Variants in MYO1B observed in about 807,000 individuals in gnomAD.
The protein encoded by MYO1B is myosin IB.
MYO1B carries 72 observed loss-of-function variants against 159.7 expected under a neutral mutation model. That is an observed-to-expected ratio of 0.45 (90% CI 0.37 to 0.55). The LOEUF (loss-of-function observed/expected upper bound fraction) is 0.55. Ranked by LOEUF, MYO1B falls within the 20% of genes least tolerant of loss-of-function variation. The pLI, the probability that MYO1B is intolerant of heterozygous loss-of-function variation, is 0.00. For missense variants in MYO1B, 1,062 were observed against 1,364.8 expected (o/e 0.78, Z 3.50); for synonymous variants, 468 against 473.8 (o/e 0.99, Z 0.16).
At chr2:191,251,488 G>A (rs1686112392) in intron 1 of MYO1B, among the ~76,000 whole-genome samples, 1 of 152,176 alleles carries the variant, frequency 6.6e-6, no homozygotes, top group Admixed American at 6.5e-5. Flanking sequence ...AATGCAAGGG[G>A]CCTGTCTTTC....
intron 3 of MYO1B, among the ~76,000 whole-genome samples, chr2:191,329,655 TTA>T (rs1028099281): frequency 7.4e-4 from 110 of 147,840 alleles, no homozygotes; most frequent in Admixed American, 1.8e-3. Context: ...AATTATTTAT[TTA>T]TATAAATAGT....
At chr2:191,368,989 A>G (rs1238863321) in intron 11 of MYO1B, among the ~76,000 whole-genome samples, 1 of 152,190 alleles carries the variant, frequency 6.6e-6, no homozygotes, top group Non-Finnish European at 1.5e-5. Flanking sequence ...AAATTTAAAA[A>G]TAAAAAAAGA....
intron 2 of MYO1B, among the ~76,000 whole-genome samples, chr2:191,295,155 G>C (rs1303826781): frequency 6.6e-6 from 1 of 151,874 alleles, no homozygotes; most frequent in Non-Finnish European, 1.5e-5. Flanking sequence ...TACCACTTTT[G>C]TTGGCACCTT....
chr2:191,246,140 T>G (rs1464723206), intron 1 of MYO1B: 1 of 152,320 alleles, frequency 6.6e-6, no homozygotes, highest in African/African-American at 2.4e-5. Context: ...TGGGCCTCCC[T>G]GCGCGTGCAG....
intron 23 of MYO1B, among the ~76,000 whole-genome samples, 199 bp downstream of exon 23, chr2:191,401,034 A>C (rs553358196): frequency 6.6e-6 from 1 of 152,326 alleles, no homozygotes; most frequent in African/African-American, 2.4e-5. Flanking sequence ...GGTCAATAAA[A>C]CTAATTGCTT....
intron 2 of MYO1B, among the ~76,000 whole-genome samples, chr2:191,288,327 TG>T (rs2125785845): frequency 6.6e-6 from 1 of 152,080 alleles, no homozygotes; most frequent in East Asian, 1.9e-4. Flanking sequence ...TGTCACTCTT[TG>T]GGGGGAACTT....
chr2:191,279,460 A>AGGTTACTC (rs1267820496), intron 2 of MYO1B, among the ~76,000 whole-genome samples: 1 of 152,162 alleles, frequency 6.6e-6, no homozygotes, highest in Non-Finnish European at 1.5e-5. Context: ...GGGACAGGGA[A>AGGTTACTC]GGTTACTCTT....
rs942974561 is a variant in MYO1B, at chr2:191,407,957, A to G, written c.2557-158A>G. 3 of 445,138 alleles carry G rather than the reference A, an allele frequency of 6.7e-6. No individual in the cohort carries two copies. The South Asian group carries it at 1.9e-4, about 28-fold the overall frequency. The allele number at this position is 445,138 out of a possible 1,614,324, so 27.6% of individuals were successfully genotyped here. ...TTAATTTCTTTCTCTCTGACTTAAGATCCACTATATGAATGTGTTTCAATT... is the reference window on the plus strand; with the variant it reads ...TTAATTTCTTTCTCTCTGACTTAAGGTCCACTATATGAATGTGTTTCAATT... On this transcript the variant is annotated intron_variant, in intron 24 of 30. Coordinates refer to ENST00000392318, the MANE Select transcript of MYO1B (RefSeq NM_001130158.3).
intron 4 of MYO1B, 124 bp downstream of exon 4, chr2:191,330,153 G>A: frequency 4.3e-6 from 3 of 694,520 alleles, no homozygotes; most frequent in South Asian, 4.0e-5. Context: ...TGCTTCTGCA[G>A]GAGGATACTG....
intron 2 of MYO1B, among the ~76,000 whole-genome samples, chr2:191,285,542 C>G (rs1688314864): frequency 6.6e-6 from 1 of 152,122 alleles, no homozygotes; most frequent in Admixed American, 6.6e-5. Flanking sequence ...ATGAGCAAGG[C>G]TAGATTCTTT....
intron 7 of MYO1B, among the ~76,000 whole-genome samples, chr2:191,355,247 G>A (rs34689696): frequency 0.34 from 51,647 of 152,130 alleles, 8,966 homozygotes; most frequent in South Asian, 0.49. Flanking sequence ...ACCAACCCAT[G>A]AGCAAGCCCA....
At chr2:191,402,747 A>G (rs2126140581) in intron 24 of MYO1B, 29 bp downstream of exon 24, 1 of 1,575,222 alleles carries the variant, frequency 6.3e-7, no homozygotes. Context: ...GTTTCTGTCC[A>G]GGGTGAACTT....
chr2:191,381,583 A>G lies in MYO1B; in HGVS notation c.1290+17A>G, dbSNP rs200778489. On this transcript the variant is annotated intron_variant, in intron 14 of 30. Transcript: ENST00000392318. ...ATACGGGAGGTAATGTTGAAATGCTATTTTTAAAAGTGTTGGTCCTTTTTT... is the reference window on the plus strand; with the variant it reads ...ATACGGGAGGTAATGTTGAAATGCTGTTTTTAAAAGTGTTGGTCCTTTTTT... The G allele has an allele frequency of 2.6e-6, 4 of 1,559,890 alleles. No homozygotes were observed. Among genetic ancestry groups the G allele is most frequent in the East Asian group, 2.2e-5 (1 of 44,548 alleles).
chr2:191,363,017 T>C (rs1289431322), intron 9 of MYO1B, among the ~76,000 whole-genome samples: 1 of 152,258 alleles, frequency 6.6e-6, no homozygotes, highest in Non-Finnish European at 1.5e-5. Flanking sequence ...CTGCTCTCTC[T>C]ACTTTTGTAT....
At chr2:191,309,937 G>A (rs774800591) in intron 3 of MYO1B, among the ~76,000 whole-genome samples, 2 of 152,194 alleles carry the variant, frequency 1.3e-5, no homozygotes, top group Non-Finnish European at 2.9e-5. Flanking sequence ...TTAGAACAAT[G>A]CCTGGCGCAG....
At chr2:191,373,154 G>A (rs189803392) in intron 13 of MYO1B, among the ~76,000 whole-genome samples, 1 of 152,122 alleles carries the variant, frequency 6.6e-6, no homozygotes, top group East Asian at 1.9e-4. Context: ...CGGCCTGGCT[G>A]CCTGTGTTAC....
At chr2:191,392,414 G>A (rs1167467427) in intron 19 of MYO1B, among the ~76,000 whole-genome samples, 1 of 152,126 alleles carries the variant, frequency 6.6e-6, no homozygotes, top group East Asian at 1.9e-4. Context: ...CAAAGTCTTT[G>A]CTCTGACAGA....
chr2:191,393,751 C>T (rs890349711), intron 20 of MYO1B, among the ~76,000 whole-genome samples: 3 of 152,134 alleles, frequency 2.0e-5, no homozygotes, highest in Non-Finnish European at 4.4e-5. Context: ...GCTCTATTAA[C>T]TATAGGGAAA....
At position 191,346,220 on chromosome 2, in the gene MYO1B, GTTTC is replaced by G; in HGVS notation, c.452-11_452-8del. 2 of 1,548,484 alleles carry G rather than the reference GTTTC, an allele frequency of 1.3e-6. No homozygotes were observed. Among genetic ancestry groups the G allele is most frequent in the Non-Finnish European group, 1.7e-6 (2 of 1,142,984 alleles). ...TTATTATTTTTTTAACCATACATCT[GTTTC>G]TTTCCTACTAGCTTTTGGAAATGCC... On this transcript the variant is annotated splice_polypyrimidine_tract_variant and intron_variant, in intron 5 of 30. Coordinates refer to ENST00000392318, the MANE Select transcript of MYO1B (RefSeq NM_001130158.3).
Sources: allele counts gnomAD v4.1 joint callset (sites outside exome capture counted in the v4.1 genomes callset), GRCh38; gene constraint gnomAD v4.1.1; transcripts MANE v1.5; gene names NCBI Gene and HGNC (gene_info 2026-07-23, HGNC 2026-07-21).